Variants in PDE4B observed in about 807,000 individuals in gnomAD.
The protein encoded by PDE4B is 3',5'-cyclic-AMP phosphodiesterase 4B.
PDE4B carries 20 observed loss-of-function variants against 82.2 expected under a neutral mutation model. The ratio of observed to expected loss-of-function variants is 0.24; its 90% CI spans 0.17 to 0.35. The LOEUF is 0.35. Ranked by LOEUF, PDE4B falls within the 10% of genes least tolerant of loss-of-function variation. The pLI is 1.00. For missense variants in PDE4B, 655 were observed against 907.2 expected (o/e 0.72, Z 3.57); for synonymous variants, 320 against 318.9 (o/e 1.00, Z -0.04).
intron 7 of PDE4B, among the ~76,000 whole-genome samples, chr1:66,288,695 G>C (rs1462007852): frequency 2.0e-5 from 3 of 152,140 alleles, no homozygotes; most frequent in Admixed American, 2.0e-4. Flanking sequence ...TTGTGGGCTA[G>C]AAATATGGGG....
intron 3 of PDE4B, among the ~76,000 whole-genome samples, chr1:65,946,730 T>TG (rs1418402838): frequency 5.3e-5 from 8 of 152,006 alleles, no homozygotes; most frequent in African/African-American, 1.9e-4. Context: ...ATAGGTGATG[T>TG]GGTGCAAGCA....
chr1:66,319,917 C>G (rs1012510051), intron 7 of PDE4B, among the ~76,000 whole-genome samples: 2 of 152,150 alleles, frequency 1.3e-5, no homozygotes, highest in Admixed American at 1.3e-4. Context: ...ATTCCTTAAT[C>G]TAACATTAAA....
chr1:66,160,635 A>G (rs891490116), intron 3 of PDE4B, among the ~76,000 whole-genome samples: 1 of 152,136 alleles, frequency 6.6e-6, no homozygotes, highest in Non-Finnish European at 1.5e-5. Context: ...TTAAATGTAG[A>G]CAAGCATCTA....
At chr1:65,895,532 A>G (rs577197931) in intron 1 of PDE4B, among the ~76,000 whole-genome samples, 1 of 141,228 alleles carries the variant, frequency 7.1e-6, no homozygotes, top group South Asian at 2.6e-4. Context: ...CCTGTGTGAC[A>G]GAGTGAGACA....
intron 3 of PDE4B, among the ~76,000 whole-genome samples, chr1:66,076,595 A>G (rs1445176518): frequency 8.0e-6 from 1 of 124,582 alleles, no homozygotes. Context: ...GAAATCTCCA[A>G]ACGGATCTAC....
At chr1:65,802,681 C>T (rs754764154) in intron 1 of PDE4B, among the ~76,000 whole-genome samples, 10 of 152,026 alleles carry the variant, frequency 6.6e-5, no homozygotes, top group East Asian at 5.8e-4. Flanking sequence ...AAAATATTTG[C>T]GGTGTTGTCT....
intron 1 of PDE4B, among the ~76,000 whole-genome samples, chr1:65,904,721 A>G (rs919672945): frequency 6.6e-6 from 1 of 152,128 alleles, no homozygotes; most frequent in Non-Finnish European, 1.5e-5. Flanking sequence ...CTCTGCAGGC[A>G]TAGTGCCTGG....
chr1:65,882,014 G>A (rs558270359), intron 1 of PDE4B, among the ~76,000 whole-genome samples: 8 of 152,268 alleles, frequency 5.3e-5, no homozygotes, highest in African/African-American at 1.9e-4. Context: ...GTTATCATCT[G>A]TTTTGCAAGA....
chr1:65,891,305 G>C (rs955044454), intron 1 of PDE4B, among the ~76,000 whole-genome samples: 3 of 152,064 alleles, frequency 2.0e-5, no homozygotes, highest in Admixed American at 6.6e-5. Context: ...ACAGGCATCT[G>C]CTCTTTGTAC....
At chr1:65,997,036 G>A (rs1234458251) in intron 3 of PDE4B, among the ~76,000 whole-genome samples, 4 of 152,014 alleles carry the variant, frequency 2.6e-5, no homozygotes, top group Non-Finnish European at 5.9e-5. Context: ...CTTCTTTGTT[G>A]ATATCCCAAC....
intron 7 of PDE4B, among the ~76,000 whole-genome samples, chr1:66,274,975 A>C (rs1014656401): frequency 3.3e-4 from 50 of 152,292 alleles, no homozygotes; most frequent in African/African-American, 1.1e-3. Context: ...AGACTATAGA[A>C]ATCTTGTTAT....
At chr1:66,252,432 A>G (rs1653859893) in intron 4 of PDE4B, among the ~76,000 whole-genome samples, 1 of 152,184 alleles carries the variant, frequency 6.6e-6, no homozygotes, top group Admixed American at 6.5e-5. Flanking sequence ...CACCTAACCT[A>G]CCAAACATTA....
At chr1:66,019,602 C>T (rs1652979515) in intron 3 of PDE4B, among the ~76,000 whole-genome samples, 1 of 152,066 alleles carries the variant, frequency 6.6e-6, no homozygotes, top group Non-Finnish European at 1.5e-5. Context: ...GATCCGCCCC[C>T]TTGACCTCCC....
chr1:66,008,262 A>G (rs531942031), intron 3 of PDE4B, among the ~76,000 whole-genome samples: 38 of 152,266 alleles, frequency 2.5e-4, no homozygotes, highest in Non-Finnish European at 4.4e-4. Context: ...CCAGGCATGG[A>G]ACATAGACGA....
At chr1:66,358,910 A>T (rs545237405) in intron 9 of PDE4B, among the ~76,000 whole-genome samples, 2 of 152,238 alleles carry the variant, frequency 1.3e-5, no homozygotes, top group East Asian at 3.9e-4. Context: ...TTTAAAAAAA[A>T]GTGGTGCAGG....
Position 66,076,094 on chromosome 1 carries a change from C to T in PDE4B, c.281+157259C>T, listed in dbSNP as rs77055496. 4.4e-3 allele frequency among the ~76,000 whole-genome samples: 672 copies of T among 151,724 alleles called. 5 individuals carry two copies. Among genetic ancestry groups the T allele is most frequent in the African/African-American group, 0.015 (637 of 41,376 alleles). On this transcript the variant is annotated intron_variant, in intron 3 of 16. Transcript: ENST00000341517. ...GCAAGTTTGTTATCTGGGTATACTG[C>T]GTGACACTGAGGTTTGGAGTATGAA...
At chr1:65,807,967 A>G (rs996602644) in intron 1 of PDE4B, among the ~76,000 whole-genome samples, 1 of 152,168 alleles carries the variant, frequency 6.6e-6, no homozygotes, top group East Asian at 1.9e-4. Context: ...AAGTAGCTGG[A>G]TGCCTTTCAG....
intron 1 of PDE4B, among the ~76,000 whole-genome samples, chr1:65,882,698 G>GTGTA (rs1281868869): frequency 6.6e-6 from 1 of 152,032 alleles, no homozygotes; most frequent in Non-Finnish European, 1.5e-5. Context: ...GTGTGTGTGT[G>GTGTA]TGTGTGTGTA....
intron 8 of PDE4B, chr1:66,354,254 AT>A: frequency 4.1e-6 from 1 of 241,892 alleles, no homozygotes. Context: ...GAGCGGCTGG[AT>A]TTTTGTGCAG....
Sources: allele counts gnomAD v4.1 joint callset (sites outside exome capture counted in the v4.1 genomes callset), GRCh38; gene constraint gnomAD v4.1.1; transcripts MANE v1.5; gene names NCBI Gene and HGNC (gene_info 2026-07-23, HGNC 2026-07-21).